The following MATN2 variants were observed in gnomAD, a reference collection of about 807,000 sequenced individuals.
MATN2 encodes matrilin-2.
A neutral mutation model predicts 103.2 loss-of-function variants in MATN2; 69 were observed. That is an observed-to-expected ratio of 0.67 (90% CI 0.55 to 0.82). The LOEUF (loss-of-function observed/expected upper bound fraction) is 0.82, where lower values mean the gene tolerates loss of function less well. Among genes scored for constraint, MATN2 ranks in the 40% least tolerant of loss-of-function variants. The pLI, the probability that MATN2 is intolerant of heterozygous loss-of-function variation, is 0.00. For missense variants in MATN2, 1,023 were observed against 1,211.5 expected (o/e 0.84, Z 2.31); for synonymous variants, 429 against 450.2 (o/e 0.95, Z 0.60).
At chr8:97,954,566 G>A (rs1811081137) in intron 4 of MATN2, among the ~76,000 whole-genome samples, 1 of 152,190 alleles carries the variant, frequency 6.6e-6, no homozygotes, top group African/African-American at 2.4e-5. Flanking sequence ...GGGAAGAGAT[G>A]CACATCATTG....
At chr8:97,967,197 C>T (rs931937574) in intron 5 of MATN2, among the ~76,000 whole-genome samples, 1 of 152,290 alleles carries the variant, frequency 6.6e-6, no homozygotes, top group East Asian at 1.9e-4. Context: ...CACTAAGCCC[C>T]ACCTCCAACA....
At chr8:97,961,226 ATTTTC>A (rs1811304900) in intron 4 of MATN2, among the ~76,000 whole-genome samples, 177 bp from the exon 5 acceptor site, 1 of 152,124 alleles carries the variant, frequency 6.6e-6, no homozygotes, top group Admixed American at 6.6e-5. Flanking sequence ...TTACAGGTGA[ATTTTC>A]TTTTATCTAT....
intron 2 of MATN2, among the ~76,000 whole-genome samples, chr8:97,889,282 A>G (rs1393462760): frequency 6.6e-6 from 1 of 151,882 alleles, no homozygotes. Flanking sequence ...GATGTTAACT[A>G]AGTGAGGACC....
At chr8:98,017,029 T>TA (rs1025706733) in intron 11 of MATN2, among the ~76,000 whole-genome samples, 4 of 152,098 alleles carry the variant, frequency 2.6e-5, no homozygotes, top group African/African-American at 4.8e-5. Flanking sequence ...TAAAGTCTAT[T>TA]AAAAAAATGG....
intron 2 of MATN2, among the ~76,000 whole-genome samples, chr8:97,928,218 CTT>C (rs34226792): frequency 2.2e-5 from 2 of 89,278 alleles, no homozygotes; most frequent in African/African-American, 4.5e-5. Context: ...GCACTCCTGC[CTT>C]TTTTTTTTTT....
At chr8:97,977,235 CAAAAAAAAAA>C (rs34634037) in intron 5 of MATN2, among the ~76,000 whole-genome samples, 11 of 35,922 alleles carry the variant, frequency 3.1e-4, no homozygotes, top group East Asian at 1.4e-3. Flanking sequence ...GACCCTGTCT[CAAAAAAAAAA>C]AAAAAAAAAA....
intron 6 of MATN2, among the ~76,000 whole-genome samples, chr8:97,993,931 G>A (rs1812477471): frequency 2.0e-5 from 3 of 151,992 alleles, no homozygotes; most frequent in Admixed American, 1.3e-4. Context: ...GACAAGGAAA[G>A]CATGTTCACA....
At chr8:98,028,174 G>C (rs1407870834) in intron 14 of MATN2, among the ~76,000 whole-genome samples, 3 of 152,178 alleles carry the variant, frequency 2.0e-5, no homozygotes, top group Non-Finnish European at 4.4e-5. Context: ...GCTTGCTCTA[G>C]AATCAACTGA....
intron 14 of MATN2, among the ~76,000 whole-genome samples, chr8:98,028,786 A>G (rs1005621592): frequency 2.0e-5 from 3 of 152,042 alleles, no homozygotes; most frequent in Non-Finnish European, 4.4e-5. Flanking sequence ...ATGGGGTTTC[A>G]CCGTGTTAGC....
At chr8:97,932,944 A>C (rs1466763146) in intron 3 of MATN2, among the ~76,000 whole-genome samples, 1 of 152,234 alleles carries the variant, frequency 6.6e-6, no homozygotes, top group African/African-American at 2.4e-5. Flanking sequence ...CAGACTCAGC[A>C]CCAACTCCCC....
intron 2 of MATN2, among the ~76,000 whole-genome samples, chr8:97,896,435 A>G (rs1818808328): frequency 6.6e-6 from 1 of 152,210 alleles, no homozygotes. Flanking sequence ...CTGGAAGCCA[A>G]GGAAGGAGAA....
At chr8:97,961,594 A>C in intron 5 of MATN2, 64 bp downstream of exon 5, 1 of 1,494,666 alleles carries the variant, frequency 6.7e-7, no homozygotes, top group Non-Finnish European at 9.0e-7. Flanking sequence ...GGAGGAGGGG[A>C]GACTCACGTG....
intron 12 of MATN2, 192 bp from the exon 13 acceptor site, chr8:98,021,013 G>A (rs1427216056): frequency 2.0e-6 from 1 of 496,258 alleles, no homozygotes; most frequent in East Asian, 3.8e-5. Flanking sequence ...AGACTCATGG[G>A]AGCTAGAGCT....
intron 1 of MATN2, among the ~76,000 whole-genome samples, chr8:97,883,369 T>A (rs2129961233): frequency 6.6e-6 from 1 of 151,786 alleles, no homozygotes; most frequent in Middle Eastern, 3.4e-3. Context: ...TACTAGTCTG[T>A]AACTTGTCAT....
chr8:97,875,481 G>A (rs1818037475), intron 1 of MATN2, among the ~76,000 whole-genome samples: 1 of 151,980 alleles, frequency 6.6e-6, no homozygotes, highest in Admixed American at 6.6e-5. Context: ...AAATCTCAAT[G>A]GAGTTTTACA....
intron 5 of MATN2, among the ~76,000 whole-genome samples, chr8:97,974,856 C>T (rs765356353): frequency 3.4e-4 from 52 of 152,288 alleles, no homozygotes; most frequent in Middle Eastern, 3.4e-3. Flanking sequence ...TAAGTTTTAG[C>T]GTGCCTCAGA....
chr8:98,020,704 C>G (rs1258779948), intron 12 of MATN2, among the ~76,000 whole-genome samples: 1 of 152,168 alleles, frequency 6.6e-6, no homozygotes, highest in Non-Finnish European at 1.5e-5. Flanking sequence ...ACTCGGGAGA[C>G]AGCTGTGTCA....
intron 5 of MATN2, among the ~76,000 whole-genome samples, chr8:97,974,188 G>T (rs867058895): frequency 6.6e-6 from 1 of 151,846 alleles, no homozygotes; most frequent in Admixed American, 6.6e-5. Flanking sequence ...GCCCAGGCTG[G>T]AGTGCAGTGG....
Position 97,884,985 on chromosome 8 carries a change from C to T in MATN2, c.-26-3090C>T, listed in dbSNP as rs150250892. 1.7e-3 allele frequency among the ~76,000 whole-genome samples: 260 copies of T among 152,276 alleles called. 1 individual carries two copies. Among genetic ancestry groups the T allele is most frequent in the African/African-American group, 5.6e-3 (233 of 41,552 alleles). On this transcript the variant is annotated intron_variant, in intron 1 of 18. Coordinates refer to ENST00000254898, the MANE Select transcript of MATN2 (RefSeq NM_002380.5). The stretch of plus-strand genomic sequence containing the variant: ...AACCTGCTCAGGGTTGGACAGCTAG[C>T]ATTATTTTGCTTTGTTTATTTTTAA...
Sources: allele counts gnomAD v4.1 joint callset (sites outside exome capture counted in the v4.1 genomes callset), GRCh38; gene constraint gnomAD v4.1.1; transcripts MANE v1.5; gene names NCBI Gene and HGNC (gene_info 2026-07-23, HGNC 2026-07-21).